The following C4orf51 variants were observed in gnomAD, a reference collection of about 807,000 sequenced individuals.
C4orf51 encodes chromosome 4 open reading frame 51, also known as uncharacterized protein C4orf51.
In C4orf51, 25 loss-of-function variants were observed where a neutral mutation model predicts 25.2. The observed-to-expected ratio is 0.99, with a 90% CI of 0.72 to 1.39. The LOEUF is 1.39. Ranked by LOEUF, C4orf51 falls within the 40% of genes most tolerant of loss-of-function variation. The probability of loss-of-function intolerance (pLI) is 0.00; values close to 1 mark genes in which losing one functional copy is unlikely to be tolerated. For missense variants in C4orf51, 252 were observed against 239.6 expected (o/e 1.05, Z -0.34); for synonymous variants, 100 against 84.5 (o/e 1.18, Z -1.01).
In C4orf51 at chr4:145,761,492, C is replaced by A. The variant is rs1734491586; in HGVS notation, n.167-9496C>A. 1 of 1,289,678 alleles carries A rather than the reference C, an allele frequency of 7.8e-7. No individual in the cohort carries two copies. Among genetic ancestry groups the A allele is most frequent in the African/African-American group, 1.5e-5 (1 of 65,846 alleles). 79.9% of individuals were successfully genotyped at this position (1,289,678 alleles called of 1,614,324 possible). On this transcript the variant is annotated intron_variant and non_coding_transcript_variant, in intron 1 of 1. Coordinates refer to the C4orf51 transcript ENST00000510096. This position sits in a 1 kb window ranked among gnomAD's most constrained non-coding sequence, Gnocchi z 6.8. ...TGCGTCTCCAGCTCCAGCTGGTTGG[C>A]CTTCACCGTCTGGCAGATCCGGCAC...
intron 1 of C4orf51, among the ~76,000 whole-genome samples, chr4:145,769,948 T>A (rs1735991504): frequency 6.6e-6 from 1 of 152,244 alleles, no homozygotes; most frequent in African/African-American, 2.4e-5. Context: ...CTTTTCATTC[T>A]TAACAAAGTA....
intron 1 of C4orf51, among the ~76,000 whole-genome samples, chr4:145,681,793 AC>A (rs1308534669): frequency 6.6e-6 from 1 of 152,142 alleles, no homozygotes; most frequent in African/African-American, 2.4e-5. Flanking sequence ...GAGATAACTA[AC>A]CTGCTCATAT....
chr4:145,686,816 T>C (rs1008971468), intron 1 of C4orf51, among the ~76,000 whole-genome samples: 1 of 152,334 alleles, frequency 6.6e-6, no homozygotes, highest in South Asian at 2.1e-4. Flanking sequence ...ATTATCATAA[T>C]GAAGCACTGA....
intron 2 of C4orf51, among the ~76,000 whole-genome samples, chr4:145,704,554 G>A (rs2126712726): frequency 6.6e-6 from 1 of 152,220 alleles, no homozygotes; most frequent in African/African-American, 2.4e-5. Context: ...TTTATTTCTG[G>A]GTTCTCTATT....
At chr4:145,698,987 T>G (rs560552432) in intron 2 of C4orf51, among the ~76,000 whole-genome samples, 1 of 152,012 alleles carries the variant, frequency 6.6e-6, no homozygotes, top group East Asian at 1.9e-4. Context: ...TGGCCGGTCC[T>G]TGCCTTAACT....
downstream of C4orf51, among the ~76,000 whole-genome samples, chr4:145,754,507 G>C (rs971742896): frequency 6.6e-5 from 10 of 152,114 alleles, no homozygotes; most frequent in African/African-American, 2.2e-4. Context: ...AAGTGGGCAG[G>C]GCAAAGCCTC....
intron 2 of C4orf51, among the ~76,000 whole-genome samples, chr4:145,702,465 G>A (rs1730519442): frequency 6.6e-6 from 1 of 152,124 alleles, no homozygotes; most frequent in South Asian, 2.1e-4. Context: ...AGGCTTCACA[G>A]ACAGCCCCCA....
chr4:145,752,630 G>C (rs1032391118), intron 1 of C4orf51, among the ~76,000 whole-genome samples: 1 of 152,162 alleles, frequency 6.6e-6, no homozygotes, highest in African/African-American at 2.4e-5. Flanking sequence ...GGGTTGGCAT[G>C]GGCACTCCCT....
At chr4:145,722,104 A>T (rs949277805) in intron 2 of C4orf51, among the ~76,000 whole-genome samples, 1 of 152,164 alleles carries the variant, frequency 6.6e-6, no homozygotes, top group Non-Finnish European at 1.5e-5. Flanking sequence ...AGATAAATGG[A>T]CTGCCTTATT....
downstream of C4orf51, among the ~76,000 whole-genome samples, chr4:145,733,993 C>A (rs1358531696): frequency 2.6e-5 from 4 of 152,184 alleles, no homozygotes; most frequent in South Asian, 2.1e-4. Flanking sequence ...ATTAATTCAT[C>A]ATTTGTTTTT....
chr4:145,775,608 A>C (rs1736943657), downstream of C4orf51, among the ~76,000 whole-genome samples: 1 of 152,188 alleles, frequency 6.6e-6, no homozygotes, highest in South Asian at 2.1e-4. Flanking sequence ...AGGGGCACCC[A>C]AACCAAGAGA....
chr4:145,726,852 A>G (rs911339434), intron 2 of C4orf51, 59 bp from the exon 3 acceptor site: 2 of 1,410,258 alleles, frequency 1.4e-6, no homozygotes, highest in East Asian at 2.3e-5. Flanking sequence ...TTGGAAGTGT[A>G]AGGAATTTTA....
chr4:145,719,276 A>G (rs1731587540), intron 2 of C4orf51, among the ~76,000 whole-genome samples: 1 of 144,128 alleles, frequency 6.9e-6, no homozygotes, highest in Admixed American at 7.2e-5. Context: ...AAGGAAACTT[A>G]TACATGACTT....
rs34051922 is a variant in C4orf51, at chr4:145,768,916, T to TATATATATATATATATATATATATAAAA, written n.167-2072_167-2071insATATATATATATATATATATATATAAAA. Among the ~76,000 whole-genome samples, 336 of 34,154 alleles carry TATATATATATATATATATATATATAAAA rather than the reference T, an allele frequency of 9.8e-3. 25 individuals are homozygous for TATATATATATATATATATATATATAAAA. Among genetic ancestry groups the TATATATATATATATATATATATATAAAA allele is most frequent in the Non-Finnish European group, 0.013 (246 of 19,018 alleles). 22.4% of individuals were successfully genotyped at this position (34,154 alleles called of 152,430 possible). On this transcript the variant is annotated intron_variant and non_coding_transcript_variant, in intron 1 of 1. Coordinates refer to the C4orf51 transcript ENST00000510096. ...ATATATATATATATATATATATATA[T>TATATATATATATATATATATATATAAAA]TAGGTATACAAAGTTTGGAAATAGA...
chr4:145,714,100 T>A (rs138983358), intron 2 of C4orf51, among the ~76,000 whole-genome samples: 1 of 152,180 alleles, frequency 6.6e-6, no homozygotes, highest in Non-Finnish European at 1.5e-5. Context: ...TTTTTAGACA[T>A]AATGCTATTG....
At position 145,753,220 on chromosome 4, in the gene C4orf51, C is replaced by T. The variant is rs185501337; in HGVS notation, n.168-987C>T. 2.1e-3 allele frequency among the ~76,000 whole-genome samples: 304 copies of T among 147,958 alleles called. 1 individual carries two copies. Among genetic ancestry groups the T allele is most frequent in the African/African-American group, 7.2e-3 (281 of 38,866 alleles). On this transcript the variant is annotated intron_variant and non_coding_transcript_variant, in intron 1 of 1. Transcript: ENST00000508981. ...TGTTTCTGGTGGGGGAAAAAGAGGA[C>T]GATTGGTGAATGCTTCTATTCGACC...
intron 1 of C4orf51, chr4:145,764,673 T>C: frequency 2.9e-6 from 1 of 344,026 alleles, no homozygotes. Context: ...CTGAGTCCAT[T>C]AAAATCAAGT....
intron 2 of C4orf51, among the ~76,000 whole-genome samples, chr4:145,725,938 A>G (rs1325967382): frequency 6.6e-6 from 1 of 152,236 alleles, no homozygotes; most frequent in African/African-American, 2.4e-5. Context: ...TAAGTTATAT[A>G]TCAATAAAAT....
At chr4:145,756,120 G>T (rs1733932347), downstream of C4orf51, among the ~76,000 whole-genome samples, 1 of 152,188 alleles carries the variant, frequency 6.6e-6, no homozygotes, top group South Asian at 2.1e-4. Context: ...TGGCAGGCAG[G>T]GGTTCTACTG....
Sources: gnomAD v4.1 joint callset for allele counts (sites outside exome capture counted in the v4.1 genomes callset) on GRCh38, gnomAD v4.1.1 for gene constraint, Gnocchi (gnomAD v3.1) non-coding constraint, MANE v1.5 for transcripts, NCBI Gene and HGNC (gene_info 2026-07-23, HGNC 2026-07-21) for gene names.